Variants in COPS7B observed in about 807,000 individuals in gnomAD.
COPS7B encodes the protein COP9 signalosome subunit 7B.
In COPS7B, 9 loss-of-function variants were observed where a neutral mutation model predicts 33.4. The ratio of observed to expected loss-of-function variants is 0.27; its 90% CI spans 0.16 to 0.47. The LOEUF is 0.47. Ranked by LOEUF, COPS7B falls within the 20% of genes least tolerant of loss-of-function variation. The probability of loss-of-function intolerance (pLI) is 0.99; values close to 1 mark genes in which losing one functional copy is unlikely to be tolerated. For synonymous variants in COPS7B, 119 were observed against 126.3 expected, an observed-to-expected ratio of 0.94 and a Z score of 0.39; for missense variants, 242 against 318.2, an observed-to-expected ratio of 0.76 and a Z score of 1.82.
chr2:231,794,841 T>C (rs1380418336), intron 4 of COPS7B, among the ~76,000 whole-genome samples: 1 of 151,990 alleles, frequency 6.6e-6, no homozygotes, highest in East Asian at 1.9e-4. Context: ...CTGCAACCTC[T>C]GCCTCCCAGA....
chr2:231,806,553 CAA>C (rs199988222), intron 6 of COPS7B, among the ~76,000 whole-genome samples: 39 of 89,662 alleles, frequency 4.3e-4, no homozygotes, highest in Admixed American at 6.3e-4. Context: ...ACTCTGTCTC[CAA>C]AAAAAAAAAA....
At chr2:231,795,045 G>A (rs1350643768) in intron 4 of COPS7B, among the ~76,000 whole-genome samples, 13 of 151,228 alleles carry the variant, frequency 8.6e-5, no homozygotes, top group Middle Eastern at 3.2e-3. Context: ...TCAGCCTCCC[G>A]AGTAGCTGGA....
intron 6 of COPS7B, among the ~76,000 whole-genome samples, chr2:231,803,291 C>T (rs2049799477): frequency 1.3e-5 from 2 of 152,142 alleles, no homozygotes; most frequent in African/African-American, 2.4e-5. Flanking sequence ...CGGTAACCCC[C>T]GGGGTGCATG....
intron 6 of COPS7B, chr2:231,801,098 T>C: frequency 1.9e-6 from 3 of 1,544,210 alleles, no homozygotes; most frequent in Non-Finnish European, 2.6e-6. Context: ...GCCAATTTTG[T>C]CAACTGATTG....
chr2:231,797,723 T>G (rs745673176), intron 5 of COPS7B, among the ~76,000 whole-genome samples: 3 of 152,160 alleles, frequency 2.0e-5, no homozygotes, highest in Non-Finnish European at 2.9e-5. Context: ...CACTGTTGGA[T>G]CTTAAGTGGA....
At chr2:231,788,010 A>G (rs1026008633) in intron 1 of COPS7B, among the ~76,000 whole-genome samples, 6 of 152,218 alleles carry the variant, frequency 3.9e-5, no homozygotes, top group Non-Finnish European at 8.8e-5. Flanking sequence ...GAGGAGGGAC[A>G]GGTGGAAGTG....
In COPS7B at chr2:231,808,014, C is replaced by T. The variant is rs1211035943; in HGVS notation, c.*369C>T. Reference sequence around the variant, plus strand: ...TAAGCCGGAGGCAGCTTTAACCAGCCCCCAGGGATGATTGTGAAGGAGGCC... The same window carrying T: ...TAAGCCGGAGGCAGCTTTAACCAGCTCCCAGGGATGATTGTGAAGGAGGCC... On this transcript the variant is annotated 3_prime_UTR_variant, in exon 7 of 7. Transcript: ENST00000350033. The T allele has an allele frequency of 5.0e-6, 1 of 201,418 alleles. No homozygotes were observed. Among genetic ancestry groups the T allele is most frequent in the African/African-American group, 2.4e-5 (1 of 42,172 alleles). The allele number at this position is 201,418 out of a possible 1,614,324, so 12.5% of individuals were successfully genotyped here. A position where few individuals can be genotyped will look rare whatever the true frequency, so the allele number is the denominator to read the frequency against.
intron 3 of COPS7B, 74 bp downstream of exon 3, chr2:231,791,882 G>A: frequency 7.3e-7 from 1 of 1,369,130 alleles, no homozygotes; most frequent in African/African-American, 1.4e-5. Flanking sequence ...CAAGGTTTGA[G>A]ATATAAAGCA....
At chr2:231,786,388 T>A (rs2049241222), upstream of COPS7B, 1 of 946,608 alleles carries the variant, frequency 1.1e-6, no homozygotes, top group African/African-American at 1.8e-5. Flanking sequence ...AGTGCAGCGG[T>A]GGGAGGCTTC....
chr2:231,792,227 C>T (rs1307994885), intron 3 of COPS7B: 2 of 387,408 alleles, frequency 5.2e-6, no homozygotes, highest in Admixed American at 3.2e-5. Context: ...CGCGGTGGCT[C>T]ATGCCTGTAA....
rs937767241 is a variant in COPS7B, at chr2:231,808,373, C to T, written c.*728C>T. On this transcript the variant is annotated 3_prime_UTR_variant, in exon 7 of 7. Transcript: ENST00000350033. The stretch of plus-strand genomic sequence containing the variant: ...TTCCGGCTTGGCGTTCTCTCCTGGC[C>T]ACTCTTCCTGCTGCCTCTGACTACT... 17 of 464,452 alleles carry T rather than the reference C, an allele frequency of 3.7e-5. No homozygotes were observed. Among genetic ancestry groups the T allele is most frequent in the African/African-American group, 3.4e-4 (17 of 49,884 alleles). The allele number at this position is 464,452 out of a possible 1,614,324, so 28.8% of individuals were successfully genotyped here.
intron 6 of COPS7B, 39 bp from the exon 7 acceptor site, chr2:231,807,448 A>G (rs749827014): frequency 6.3e-7 from 1 of 1,577,490 alleles, no homozygotes; most frequent in East Asian, 2.3e-5. Context: ...TGGTGAGCAC[A>G]TACAGGCTGA....
At chr2:231,796,478 T>A (rs2049574359) in intron 5 of COPS7B, among the ~76,000 whole-genome samples, 170 bp downstream of exon 5, 1 of 152,174 alleles carries the variant, frequency 6.6e-6, no homozygotes, top group South Asian at 2.1e-4. Context: ...AGCTGTGTGA[T>A]AACAGGAGTC....
chr2:231,808,785 G>A lies in COPS7B; in HGVS notation c.*1140G>A. 4.6e-6 allele frequency: 1 copy of A among 215,314 alleles called. No individual in the cohort carries two copies. Among genetic ancestry groups the A allele is most frequent in the Non-Finnish European group, 8.9e-6 (1 of 112,530 alleles). 13.3% of individuals were successfully genotyped at this position (215,314 alleles called of 1,614,324 possible). A position where few individuals can be genotyped will look rare whatever the true frequency, so the allele number is the denominator to read the frequency against. On this transcript the variant is annotated 3_prime_UTR_variant, in exon 7 of 7. Transcript: ENST00000350033. ...GGGATTTTTCACCTGGTTGGAGGGT[G>A]GGGGTGGGGTGGGGTGTGTGTGTGT...
intron 2 of COPS7B, chr2:231,789,919 G>C (rs2049363531): frequency 1.3e-5 from 2 of 152,136 alleles, no homozygotes; most frequent in Non-Finnish European, 2.9e-5. Flanking sequence ...GTGATGTTCA[G>C]AGATGAGAAG....
chr2:231,783,200 G>A (rs1156332615), upstream of COPS7B, among the ~76,000 whole-genome samples: 9 of 152,120 alleles, frequency 5.9e-5, no homozygotes, highest in African/African-American at 1.2e-4. Context: ...GCGGGCATTT[G>A]GGTTGTTATT....
At chr2:231,794,854 C>T (rs544942599) in intron 4 of COPS7B, among the ~76,000 whole-genome samples, 142 of 152,020 alleles carry the variant, frequency 9.3e-4, no homozygotes, top group African/African-American at 3.3e-3. Context: ...CTCCCAGATT[C>T]GAGCGATTCC....
At chr2:231,796,048 C>T (rs1159195407) in intron 4 of COPS7B, 58 bp from the exon 5 acceptor site, 3 of 1,480,024 alleles carry the variant, frequency 2.0e-6, no homozygotes, top group Non-Finnish European at 2.8e-6. Flanking sequence ...GTAATACCTG[C>T]ATTTTCGCTA....
intron 3 of COPS7B, chr2:231,792,050 C>G (rs1283451945): frequency 1.5e-6 from 1 of 654,404 alleles, no homozygotes; most frequent in African/African-American, 1.8e-5. Flanking sequence ...TGTTTGTTTT[C>G]CAGATGAGAT....
Sources: gnomAD v4.1 joint callset for allele counts (sites outside exome capture counted in the v4.1 genomes callset) on GRCh38, gnomAD v4.1.1 for gene constraint, MANE v1.5 for transcripts, NCBI Gene and HGNC (gene_info 2026-07-23, HGNC 2026-07-21) for gene names.